VAC14: variants seen among roughly 807,000 people sequenced by gnomAD.
The protein encoded by VAC14 is protein VAC14 homolog.
A neutral mutation model predicts 85.3 loss-of-function variants in VAC14; 47 were observed. The ratio of observed to expected loss-of-function variants is 0.55; its 90% confidence interval spans 0.44 to 0.70. The LOEUF (loss-of-function observed/expected upper bound fraction) is 0.70. VAC14 is among the 30% of genes least tolerant of loss of function. VAC14 has a pLI of 0.00. For synonymous variants in VAC14, 447 were observed against 430.5 expected (o/e 1.04, Z -0.47); for missense variants, 861 against 1,004.3 (o/e 0.86, Z 1.93).
chr16:70,720,222 T>C (rs1386855693), intron 14 of VAC14, among the ~76,000 whole-genome samples: 2 of 152,180 alleles, frequency 1.3e-5, no homozygotes, highest in Admixed American at 1.3e-4. Context: ...ACCTCTCTGG[T>C]GCTGGAAATG....
chr16:70,705,330 A>G (rs930089559), intron 14 of VAC14, among the ~76,000 whole-genome samples: 4 of 152,178 alleles, frequency 2.6e-5, no homozygotes, highest in African/African-American at 4.8e-5. Flanking sequence ...TGGGAGGAGG[A>G]GAGGCCGAGG....
intron 1 of VAC14, among the ~76,000 whole-genome samples, chr16:70,798,962 T>G (rs928124317): frequency 2.0e-5 from 3 of 152,244 alleles, no homozygotes; most frequent in Non-Finnish European, 4.4e-5. Flanking sequence ...AAGGCACTGC[T>G]GAGTTTCTCT....
chr16:70,699,196 G>A (rs1334458212), intron 14 of VAC14: 1 of 219,786 alleles, frequency 4.5e-6, no homozygotes, highest in Non-Finnish European at 9.3e-6. Flanking sequence ...CCTGTCCCCT[G>A]CTGGGCTTTC....
Position 70,772,187 on chromosome 16 carries a change from G to A in VAC14, c.1097-15C>T, listed in dbSNP as rs1212080324. ...ATCTGGACCTCCTGGGAGAGGAAGA[G>A]GAACAAGGGGTCATGAAAGGCTGTT... On this transcript the variant is annotated splice_polypyrimidine_tract_variant and intron_variant, in intron 9 of 18. Transcript: ENST00000261776. The A allele has an allele frequency of 6.2e-7, 1 of 1,612,856 alleles. No individual in the cohort carries two copies. The highest frequency in any genetic ancestry group is 8.5e-7 in the Non-Finnish European group (1 of 1,179,070).
chr16:70,698,226 C>G (rs984961766), intron 15 of VAC14, among the ~76,000 whole-genome samples: 1 of 152,178 alleles, frequency 6.6e-6, no homozygotes. Flanking sequence ...GAGCTGTTAA[C>G]CCCTGATTCG....
At chr16:70,781,770 T>A in intron 8 of VAC14, 99 bp downstream of exon 8, 1 of 1,485,790 alleles carries the variant, frequency 6.7e-7, no homozygotes. Context: ...GGAAGTGTGA[T>A]GGATCCTAAG....
chr16:70,782,257 C>T (rs936381467), intron 7 of VAC14, among the ~76,000 whole-genome samples: 7 of 152,254 alleles, frequency 4.6e-5, no homozygotes, highest in African/African-American at 2.4e-5. Flanking sequence ...GGACTCTGCT[C>T]CTCCTCTCAT....
chr16:70,780,980 C>G, intron 8 of VAC14, 41 bp from the exon 9 acceptor site: 2 of 1,610,808 alleles, frequency 1.2e-6, no homozygotes, highest in Non-Finnish European at 1.7e-6. Context: ...GATTTGGATG[C>G]CTGTCTCTCT....
In VAC14 at chr16:70,750,698, G is replaced by A. The variant is rs537693465; in HGVS notation, c.1372-6119C>T. Among the ~76,000 whole-genome samples, 5 of 152,244 alleles carry A rather than the reference G, an allele frequency of 3.3e-5. No individual in the cohort carries two copies. The South Asian group carries it at 6.2e-4, about 19-fold the overall frequency. Reference sequence around the variant, plus strand: ...CTGGGTGGGGCCACCACAGGCTGTCGCCCCAGTGCATTCTAGCAGGTGAAG... The same window carrying A: ...CTGGGTGGGGCCACCACAGGCTGTCACCCCAGTGCATTCTAGCAGGTGAAG... On this transcript the variant is annotated intron_variant, in intron 12 of 18. Coordinates refer to ENST00000261776, the MANE Select transcript of VAC14 (RefSeq NM_018052.5).
At chr16:70,707,260 A>C (rs1163984080) in intron 14 of VAC14, among the ~76,000 whole-genome samples, 1 of 152,260 alleles carries the variant, frequency 6.6e-6, no homozygotes, top group Non-Finnish European at 1.5e-5. Context: ...CAGCCATGGT[A>C]ACCCTGCCAA....
chr16:70,718,929 C>G (rs551298024), intron 14 of VAC14, among the ~76,000 whole-genome samples: 1 of 152,210 alleles, frequency 6.6e-6, no homozygotes, highest in Non-Finnish European at 1.5e-5. Context: ...TGACCCTGGT[C>G]TTGGTCTGGA....
chr16:70,779,855 G>C (rs1230419429), intron 9 of VAC14, among the ~76,000 whole-genome samples: 1 of 151,312 alleles, frequency 6.6e-6, no homozygotes, highest in East Asian at 1.9e-4. Flanking sequence ...TTTTTTTTGA[G>C]ATAGGGTCTT....
At chr16:70,795,904 G>C (rs2034526280) in intron 1 of VAC14, among the ~76,000 whole-genome samples, 1 of 152,168 alleles carries the variant, frequency 6.6e-6, no homozygotes, top group African/African-American at 2.4e-5. Flanking sequence ...GACAGTGGGG[G>C]CCCTGCCTCC....
intron 14 of VAC14, among the ~76,000 whole-genome samples, chr16:70,700,840 C>A (rs561027313): frequency 6.6e-6 from 1 of 152,202 alleles, no homozygotes; most frequent in South Asian, 2.1e-4. Context: ...CAGCTGGTGC[C>A]GTCTCCATGA....
chr16:70,782,540 C>T (rs577085522), intron 7 of VAC14, among the ~76,000 whole-genome samples: 9 of 152,342 alleles, frequency 5.9e-5, no homozygotes, highest in South Asian at 2.1e-4. Context: ...CCACTGTGGC[C>T]CATCCACCCC....
chr16:70,719,272 A>C (rs2054233057), intron 14 of VAC14, among the ~76,000 whole-genome samples: 2 of 152,178 alleles, frequency 1.3e-5, no homozygotes, highest in South Asian at 4.1e-4. Flanking sequence ...AACAATCATC[A>C]CTCAGAAACA....
At chr16:70,719,678 C>T (rs1452258655) in intron 14 of VAC14, among the ~76,000 whole-genome samples, 2 of 152,190 alleles carry the variant, frequency 1.3e-5, no homozygotes, top group Non-Finnish European at 2.9e-5. Flanking sequence ...GATGATACTA[C>T]TGTACCCCTA....
chr16:70,721,799 G>A lies in VAC14; in HGVS notation c.1661+9696C>T, dbSNP rs185301544. ...TGGCGCTGCTCTGCAGACAGGGTTA[G>A]GTGAATCCCATGGTGCCAGTCCTGG... On this transcript the variant is annotated intron_variant, in intron 14 of 18. Transcript: ENST00000261776. Among the ~76,000 whole-genome samples the A allele has an allele frequency of 5.7e-3, 861 of 152,258 alleles. 4 individuals carry two copies. Among genetic ancestry groups the A allele is most frequent in the Non-Finnish European group, 9.9e-3 (670 of 68,020 alleles).
intron 8 of VAC14, 35 bp downstream of exon 8, chr16:70,781,834 T>A (rs2033825941): frequency 6.2e-7 from 1 of 1,610,072 alleles, no homozygotes; most frequent in Non-Finnish European, 8.5e-7. Context: ...CCTTTGGGGC[T>A]TCTCTCAATT....
Sources: allele counts gnomAD v4.1 joint callset (sites outside exome capture counted in the v4.1 genomes callset), GRCh38; gene constraint gnomAD v4.1.1; transcripts MANE v1.5; gene names NCBI Gene and HGNC (gene_info 2026-07-23, HGNC 2026-07-21).